RIT2: variants seen among roughly 807,000 people sequenced by gnomAD.
RIT2 encodes the protein Ras like without CAAX 2.
In RIT2, 24 loss-of-function variants were observed where a neutral mutation model predicts 23.7. The ratio of observed to expected loss-of-function variants is 1.01; its 90% CI spans 0.73 to 1.43. The LOEUF (loss-of-function observed/expected upper bound fraction) is 1.43, where lower values mean the gene tolerates loss of function less well. Ranked by LOEUF, RIT2 falls within the 40% of genes most tolerant of loss-of-function variation. RIT2 has a pLI of 0.00. For missense variants in RIT2, 236 were observed against 266.9 expected, an observed-to-expected ratio of 0.88 and a Z score of 0.81; for synonymous variants, 107 against 91.1, an observed-to-expected ratio of 1.17 and a Z score of -0.99.
intron 1 of RIT2, among the ~76,000 whole-genome samples, chr18:43,086,196 T>C (rs1199383528): frequency 6.6e-6 from 1 of 152,140 alleles, no homozygotes; most frequent in Admixed American, 6.6e-5. Flanking sequence ...AATGAGCATA[T>C]CTTTTGAGTG....
intron 2 of RIT2, among the ~76,000 whole-genome samples, chr18:43,029,975 T>G (rs879421427): frequency 1.2e-4 from 18 of 152,050 alleles, no homozygotes; most frequent in Non-Finnish European, 2.5e-4. Flanking sequence ...TATAGCAATA[T>G]TTAAAAATGA....
intron 4 of RIT2, among the ~76,000 whole-genome samples, chr18:42,831,861 C>A (rs1348724511): frequency 6.6e-6 from 1 of 152,154 alleles, no homozygotes; most frequent in African/African-American, 2.4e-5. Flanking sequence ...GAGTGATTAA[C>A]CCTGCTGCTA....
chr18:42,999,821 A>C (rs910390442), intron 2 of RIT2, among the ~76,000 whole-genome samples: 1 of 152,086 alleles, frequency 6.6e-6, no homozygotes, highest in Non-Finnish European at 1.5e-5. Flanking sequence ...GAAGAATGGC[A>C]AAAACGGCAG....
At chr18:42,934,739 G>T (rs1364119953) in intron 3 of RIT2, among the ~76,000 whole-genome samples, 2 of 152,056 alleles carry the variant, frequency 1.3e-5, no homozygotes, top group East Asian at 3.9e-4. Context: ...ATGTATTTTG[G>T]TGCCTAGGAC....
chr18:42,869,894 C>CCACA (rs1450046443), intron 4 of RIT2, among the ~76,000 whole-genome samples: 1 of 152,096 alleles, frequency 6.6e-6, no homozygotes, highest in African/African-American at 2.4e-5. Flanking sequence ...AGGTATAGTC[C>CCACA]CACATATCCT....
chr18:42,829,119 T>G (rs1906385889), intron 4 of RIT2, among the ~76,000 whole-genome samples: 2 of 152,106 alleles, frequency 1.3e-5, no homozygotes, highest in African/African-American at 4.8e-5. Context: ...ATAAGTATAT[T>G]ACAGATGGAT....
At chr18:42,903,310 C>A (rs1048996722) in intron 4 of RIT2, among the ~76,000 whole-genome samples, 1 of 151,866 alleles carries the variant, frequency 6.6e-6, no homozygotes, top group African/African-American at 2.4e-5. Context: ...GTTTCTACAG[C>A]CCCAAAATAT....
At chr18:42,796,020 C>A (rs1338988541) in intron 4 of RIT2, among the ~76,000 whole-genome samples, 1 of 152,084 alleles carries the variant, frequency 6.6e-6, no homozygotes, top group African/African-American at 2.4e-5. Flanking sequence ...GTGGGTGGGG[C>A]CAGATAAGAG....
intron 2 of RIT2, among the ~76,000 whole-genome samples, chr18:43,002,838 T>G (rs1310242859): frequency 6.6e-6 from 1 of 151,956 alleles, no homozygotes; most frequent in Non-Finnish European, 1.5e-5. Context: ...TTAATGTTGT[T>G]AATCAGCTGA....
intron 4 of RIT2, among the ~76,000 whole-genome samples, chr18:42,803,168 C>T (rs1010737245): frequency 1.3e-5 from 2 of 152,160 alleles, no homozygotes; most frequent in South Asian, 2.1e-4. Context: ...GCGTATTTAT[C>T]GTTAGTAAAT....
intron 4 of RIT2, among the ~76,000 whole-genome samples, chr18:42,910,691 G>A (rs1262701234): frequency 1.3e-5 from 2 of 151,994 alleles, no homozygotes; most frequent in South Asian, 2.1e-4. Flanking sequence ...GATTGGCTGC[G>A]GGATGAGCAT....
chr18:43,057,855 C>A (rs771379085), intron 1 of RIT2, among the ~76,000 whole-genome samples: 4 of 142,870 alleles, frequency 2.8e-5, no homozygotes, highest in Non-Finnish European at 6.0e-5. Context: ...ATGGCTTGGG[C>A]CAAGAAATTA....
At chr18:42,815,960 G>A (rs1568003475) in intron 4 of RIT2, among the ~76,000 whole-genome samples, 1 of 152,122 alleles carries the variant, frequency 6.6e-6, no homozygotes, top group South Asian at 2.1e-4. Context: ...AATTAATGGC[G>A]AGAGACAGTT....
chr18:43,038,271 C>T (rs1325749636), intron 1 of RIT2, among the ~76,000 whole-genome samples: 2 of 140,606 alleles, frequency 1.4e-5, no homozygotes, highest in Non-Finnish European at 3.1e-5. Flanking sequence ...AATAAGTAAA[C>T]ACATATTTTC....
intron 1 of RIT2, among the ~76,000 whole-genome samples, chr18:43,102,934 G>A (rs1211796308): frequency 2.0e-5 from 3 of 152,098 alleles, no homozygotes; most frequent in Admixed American, 6.5e-5. Context: ...GATTATGGAC[G>A]TGAGCCACTG....
At chr18:43,067,207 G>T (rs1040610532) in intron 1 of RIT2, among the ~76,000 whole-genome samples, 8 of 151,950 alleles carry the variant, frequency 5.3e-5, no homozygotes, top group African/African-American at 1.7e-4. Context: ...CACACATAAG[G>T]AGTGACTAAA....
intron 3 of RIT2, among the ~76,000 whole-genome samples, chr18:42,967,432 T>C (rs565922489): frequency 1.3e-5 from 2 of 151,746 alleles, no homozygotes; most frequent in Non-Finnish European, 2.9e-5. Context: ...TGCAGTGGCG[T>C]GATCTCGGCT....
intron 4 of RIT2, among the ~76,000 whole-genome samples, chr18:42,806,933 G>T (rs76288686): frequency 0.012 from 1,816 of 152,276 alleles, 29 homozygotes; most frequent in East Asian, 0.068. Context: ...CGGGTTAAAA[G>T]AATTATTATT....
At chr18:43,093,798 G>A (rs1913481844) in intron 1 of RIT2, among the ~76,000 whole-genome samples, 2 of 152,020 alleles carry the variant, frequency 1.3e-5, no homozygotes, top group Non-Finnish European at 2.9e-5. Context: ...TCTCCGGTCA[G>A]TACTGACACT....
Sources: gnomAD v4.1 joint callset for allele counts (sites outside exome capture counted in the v4.1 genomes callset) on GRCh38, gnomAD v4.1.1 for gene constraint, MANE v1.5 for transcripts, NCBI Gene and HGNC (gene_info 2026-07-23, HGNC 2026-07-21) for gene names.